Variants in PSTPIP1 observed in about 807,000 individuals in gnomAD.
The protein encoded by PSTPIP1 is proline-serine-threonine phosphatase interacting protein 1.
A neutral mutation model predicts 69.6 loss-of-function variants in PSTPIP1; 66 were observed. The observed-to-expected ratio is 0.95, with a 90% CI of 0.78 to 1.16. The LOEUF (loss-of-function observed/expected upper bound fraction) is 1.16. Ranked by LOEUF, PSTPIP1 falls within the 50% of genes most tolerant of loss-of-function variation. The pLI is 0.00. For missense variants in PSTPIP1, 603 were observed against 557.4 expected, an observed-to-expected ratio of 1.08 and a Z score of -0.82; for synonymous variants, 266 against 222.7, an observed-to-expected ratio of 1.19 and a Z score of -1.73.
At chr15:77,035,407 G>A in intron 12 of PSTPIP1, 101 bp from the exon 13 acceptor site, 3 of 1,252,798 alleles carry the variant, frequency 2.4e-6, no homozygotes, top group Non-Finnish European at 3.4e-6. Context: ...CCCTGGCAGA[G>A]CGCGTGCAGC....
intron 1 of PSTPIP1, among the ~76,000 whole-genome samples, chr15:77,003,419 C>T (rs534175994): frequency 5.3e-5 from 8 of 152,234 alleles, no homozygotes; most frequent in Admixed American, 1.3e-4. Context: ...CTTGGGAGGC[C>T]GAGGCGGGTG....
chr15:77,003,524 C>T (rs1023330210), intron 1 of PSTPIP1, among the ~76,000 whole-genome samples: 18 of 152,032 alleles, frequency 1.2e-4, no homozygotes, highest in Non-Finnish European at 2.5e-4. Flanking sequence ...GGCATGGTGG[C>T]GCATGCCTGT....
intron 1 of PSTPIP1, among the ~76,000 whole-genome samples, chr15:77,011,153 T>A (rs974782394): frequency 6.6e-6 from 1 of 152,218 alleles, no homozygotes; most frequent in Non-Finnish European, 1.5e-5. Flanking sequence ...CCCCACAACA[T>A]TAGAGAGAGT....
intron 1 of PSTPIP1, among the ~76,000 whole-genome samples, chr15:77,014,227 G>T (rs1003351115): frequency 2.6e-5 from 4 of 152,196 alleles, no homozygotes; most frequent in African/African-American, 9.7e-5. Context: ...TAAAATGGTA[G>T]TCATCACCCC....
At chr15:77,029,484 C>T (rs1352464678) in intron 7 of PSTPIP1, 45 bp from the exon 8 acceptor site, 2 of 1,554,278 alleles carry the variant, frequency 1.3e-6, no homozygotes, top group South Asian at 2.4e-5. Flanking sequence ...TGGGCCCTGG[C>T]TCCTGGGGCA....
intron 13 of PSTPIP1, 29 bp from the exon 14 acceptor site, chr15:77,035,773 G>A (rs746024823): frequency 2.2e-5 from 35 of 1,592,570 alleles, no homozygotes; most frequent in South Asian, 1.6e-4. Flanking sequence ...CCCAGAAGGG[G>A]AGGGGTCTAT....
chr15:77,028,046 C>T (rs2152685556), intron 6 of PSTPIP1, 132 bp downstream of exon 6: 1 of 872,356 alleles, frequency 1.1e-6, no homozygotes, highest in East Asian at 2.7e-5. Context: ...CGGACCTCGG[C>T]CTTGGGCGCA....
rs553472557 is a variant in PSTPIP1, at chr15:77,027,690, C to A, written c.355-162C>A. On this transcript the variant is annotated intron_variant, in intron 5 of 14. Transcript: ENST00000558012. This position sits in a 1 kb window ranked among gnomAD's most constrained non-coding sequence, Gnocchi z 4.3. ...CTCTGTGGCCTTCCATTGTGAGGGT[C>A]ACTGTGAAGCAGCAGGCTCTGGGGG... is the stretch of plus-strand genomic sequence containing the variant. 1,666 of 775,090 alleles carry A rather than the reference C, an allele frequency of 2.1e-3. 8 individuals carry two copies. Among genetic ancestry groups the A allele is most frequent in the South Asian group, 3.0e-3 (204 of 68,094 alleles). 48.0% of individuals were successfully genotyped at this position (775,090 alleles called of 1,614,324 possible).
At chr15:77,018,403 T>C in intron 2 of PSTPIP1, 54 bp from the exon 3 acceptor site, 1 of 1,549,676 alleles carries the variant, frequency 6.5e-7, no homozygotes, top group Non-Finnish European at 8.7e-7. Flanking sequence ...AACCTGGGCC[T>C]CCCCCAGAGG....
chr15:77,031,113 TG>T, intron 9 of PSTPIP1, 66 bp from the exon 10 acceptor site: 1 of 1,458,344 alleles, frequency 6.9e-7, no homozygotes, highest in Non-Finnish European at 9.5e-7. Flanking sequence ...GAGCTGTGAA[TG>T]GGGCCCAGCC....
chr15:77,032,863 T>G lies in PSTPIP1; in HGVS notation c.840T>G (p.Ala280=). ...GGGCTCACGGCTTGCTGTCTGCAGC[T>G]CCGGTGCCCTACCAGAACTATTACG... The part of the protein sequence containing the change: ...QAKSTGTEPP[A]PVPYQNYYDR... Residue 280 remains alanine (A), a splice_region_variant and synonymous_variant, in exon 12 of 15, where the codon GCT becomes GCG. Transcript: ENST00000558012. 6.3e-7 allele frequency: 1 copy of G among 1,577,130 alleles called. No homozygotes were observed. Among genetic ancestry groups the G allele is most frequent in the Non-Finnish European group, 8.6e-7 (1 of 1,161,662 alleles).
At position 76,995,544 on chromosome 15, in the gene PSTPIP1, A is replaced by G. The variant is rs751927068; in HGVS notation, c.-30A>G. 1.2e-6 allele frequency: 2 copies of G among 1,613,554 alleles called. No homozygotes were observed. The highest frequency in any genetic ancestry group is 8.5e-7 in the Non-Finnish European group (1 of 1,179,824). On this transcript the variant is annotated 5_prime_UTR_variant, in exon 1 of 15. Coordinates refer to ENST00000558012, the MANE Select transcript of PSTPIP1 (RefSeq NM_003978.5). ...CCATCAGGCCAGCCTGTGGCAGGAG[A>G]GTGAGCTTTGCCGCGGCAGACGCCT...
rs1225378072 is a variant in PSTPIP1, at chr15:77,032,287, T to G, written c.742-11T>G. The G allele has an allele frequency of 1.2e-6, 2 of 1,611,998 alleles. No homozygotes were observed. Among genetic ancestry groups the G allele is most frequent in the East Asian group, 4.5e-5 (2 of 44,886 alleles). On this transcript the variant is annotated splice_polypyrimidine_tract_variant and intron_variant, in intron 10 of 14. Transcript: ENST00000558012. ...GCATCGGGCTGCGGCCTCTGCTCTT[T>G]CCTGCCCCAGCTCTACGAGGAAGTG...
intron 9 of PSTPIP1, among the ~76,000 whole-genome samples, chr15:77,030,927 C>A (rs1477652230): frequency 1.3e-5 from 2 of 152,236 alleles, no homozygotes; most frequent in African/African-American, 4.8e-5. Context: ...CTCTCACTAC[C>A]CTTCTGCCTC....
At chr15:77,035,291 G>T (rs1387166005) in intron 12 of PSTPIP1, among the ~76,000 whole-genome samples, 1 of 152,168 alleles carries the variant, frequency 6.6e-6, no homozygotes, top group Non-Finnish European at 1.5e-5. Flanking sequence ...AGTGGAGGGC[G>T]TAGCTGGGGA....
rs1480858769 is a variant in PSTPIP1, at chr15:77,037,371, C to G, written c.*195C>G. On this transcript the variant is annotated 3_prime_UTR_variant, in exon 15 of 15. Transcript: ENST00000558012. ...GGTCCCGTTCTCTTTTTCTCCTGCT[C>G]CAGTGTCCGAGTGCTCAGTTCAGAG... 7 of 667,246 alleles carry G rather than the reference C, an allele frequency of 1.0e-5. No homozygotes were observed. Among genetic ancestry groups the G allele is most frequent in the Non-Finnish European group, 1.6e-5 (7 of 424,638 alleles). 41.3% of individuals were successfully genotyped at this position (667,246 alleles called of 1,614,324 possible).
At chr15:77,031,306 T>A in intron 10 of PSTPIP1, 28 bp downstream of exon 10, 1 of 1,605,346 alleles carries the variant, frequency 6.2e-7, no homozygotes, top group Non-Finnish European at 8.5e-7. Context: ...TGGTGTGGGG[T>A]AAGGTAGGGC....
chr15:77,032,964 A>G lies in PSTPIP1; in HGVS notation c.929+12A>G. 6.3e-7 allele frequency: 1 copy of G among 1,588,742 alleles called. No individual in the cohort carries two copies. The highest frequency in any genetic ancestry group is 1.3e-5 in the African/African-American group (1 of 74,546). The stretch of plus-strand genomic sequence containing the variant: ...GGCATGATAAAGAGGTGAGGCCCCG[A>G]CAGACGGAGGGAGGGCCTAAGGCTG... On this transcript the variant is annotated intron_variant, in intron 12 of 14. Coordinates refer to ENST00000558012, the MANE Select transcript of PSTPIP1 (RefSeq NM_003978.5).
chr15:77,013,247 G>A (rs2075981859), intron 1 of PSTPIP1, among the ~76,000 whole-genome samples: 1 of 152,196 alleles, frequency 6.6e-6, no homozygotes, highest in South Asian at 2.1e-4. Flanking sequence ...ACCCAATCCA[G>A]TCCAAGCTAG....
Sources: gnomAD v4.1 joint callset for allele counts (sites outside exome capture counted in the v4.1 genomes callset) on GRCh38, gnomAD v4.1.1 for gene constraint, Gnocchi (gnomAD v3.1) non-coding constraint, MANE v1.5 for transcripts, NCBI Gene and HGNC (gene_info 2026-07-23, HGNC 2026-07-21) for gene names.